Variants in PCDH11X observed in about 807,000 individuals in gnomAD.
PCDH11X encodes protocadherin 11 X-linked, also known as protocadherin-11 X-linked.
PCDH11X carries 18 observed loss-of-function variants against 53.3 expected under a neutral mutation model. The observed-to-expected ratio is 0.34, with a 90% CI of 0.23 to 0.50. The LOEUF (loss-of-function observed/expected upper bound fraction) is 0.50, where lower values mean the gene tolerates loss of function less well. Ranked by LOEUF, PCDH11X falls within the 20% of genes least tolerant of loss-of-function variation. The pLI is 0.98. For synonymous variants in PCDH11X, 279 were observed against 393.3 expected, an observed-to-expected ratio of 0.71 and a Z score of 3.44; for missense variants, 570 against 1,032.4, an observed-to-expected ratio of 0.55 and a Z score of 6.14.
intron 8 of PCDH11X, among the ~76,000 whole-genome samples, chrX:92,269,574 C>G (rs966081068): frequency 1.8e-5 from 2 of 111,616 alleles, no homozygotes; most frequent in African/African-American, 6.5e-5. Context: ...TTTTTGTAAC[C>G]TCAATACATT....
At chrX:91,837,339 A>T (rs1263463110) in intron 5 of PCDH11X, among the ~76,000 whole-genome samples, 1 of 112,006 alleles carries the variant, frequency 8.9e-6, no homozygotes, top group Non-Finnish European at 1.9e-5. Flanking sequence ...TGTTGGTGGG[A>T]ATGTAAATTA....
intron 6 of PCDH11X, among the ~76,000 whole-genome samples, chrX:91,955,167 C>T (rs2524704): frequency 5.4e-5 from 6 of 111,392 alleles, no homozygotes; most frequent in Non-Finnish European, 9.4e-5. Flanking sequence ...CAATTTTCTG[C>T]GTATGGCTAG....
intron 6 of PCDH11X, among the ~76,000 whole-genome samples, chrX:92,077,261 C>T (rs1196836991): frequency 4.6e-5 from 5 of 108,173 alleles, no homozygotes; most frequent in Admixed American, 1.0e-4. Context: ...ACATGATACC[C>T]GGAAAGTAGT....
intron 10 of PCDH11X, among the ~76,000 whole-genome samples, chrX:92,480,018 C>T (rs1002195811): frequency 9.0e-6 from 1 of 110,968 alleles, no homozygotes; most frequent in African/African-American, 3.3e-5. Flanking sequence ...TCCATAATTC[C>T]ATTTTTTTTG....
intron 10 of PCDH11X, among the ~76,000 whole-genome samples, chrX:92,579,690 C>T (rs1030591803): frequency 2.7e-5 from 3 of 111,427 alleles, no homozygotes; most frequent in East Asian, 2.8e-4. Flanking sequence ...TTGGAACATA[C>T]GTCTTTAGCT....
At position 91,779,891 on chromosome X, in the gene PCDH11X, G is replaced by C. The variant is rs768633925; in HGVS notation, c.-379+207G>C. On this transcript the variant is annotated intron_variant, in intron 1 of 10. Coordinates refer to ENST00000682573, the MANE Select transcript of PCDH11X (RefSeq NM_032968.5). ...CAAACCCCGGAGGTGAGCGCAGGGAGAATATCTTTTTGCACTACCACCGCT... is the reference window on the plus strand; with the variant it reads ...CAAACCCCGGAGGTGAGCGCAGGGACAATATCTTTTTGCACTACCACCGCT... Among the ~76,000 whole-genome samples, 719 of 111,092 alleles carry C rather than the reference G, an allele frequency of 6.5e-3. 8 individuals carry two copies. Among genetic ancestry groups the C allele is most frequent in the African/African-American group, 0.019 (587 of 30,552 alleles).
At chrX:92,102,985 G>C (rs1307527039) in intron 6 of PCDH11X, among the ~76,000 whole-genome samples, 1 of 111,300 alleles carries the variant, frequency 9.0e-6, no homozygotes, top group Non-Finnish European at 1.9e-5. Context: ...TGTGGGATGG[G>C]ATATTGCCGT....
chrX:91,990,312 C>T (rs1337787765), intron 6 of PCDH11X, among the ~76,000 whole-genome samples: 1 of 102,430 alleles, frequency 9.8e-6, no homozygotes, highest in Non-Finnish European at 2.0e-5. Context: ...TTTGTTTTTT[C>T]TGGGACTTTC....
chrX:92,218,314 A>G (rs2066768584), intron 7 of PCDH11X, among the ~76,000 whole-genome samples: 1 of 38,756 alleles, frequency 2.6e-5, no homozygotes, highest in African/African-American at 8.4e-5. Flanking sequence ...ACTAATAAAG[A>G]AGAAAAGAGA....
chrX:91,878,838 G>A lies in PCDH11X; in HGVS notation c.2598G>A (p.Met866Ile). ...ACCCAGAAAACAGGCAGATGATAAT[G>A]ATGAAGAAAAAGAAAAAGAAGAAGA... The part of the protein sequence containing the change: ...TPNPENRQMI[M>I]MKKKKKKKKH... The change falls in exon 6 of 11, where the codon ATG becomes ATA. Residue 866 changes from methionine to isoleucine, a missense_variant. By Grantham distance (10) the Met-to-Ile change is conservative. Coordinates refer to ENST00000682573, the MANE Select transcript of PCDH11X (RefSeq NM_032968.5). 8 of 1,211,375 alleles carry A rather than the reference G, an allele frequency of 6.6e-6. No homozygotes were observed. Among genetic ancestry groups the A allele is most frequent in the Non-Finnish European group, 8.9e-6 (8 of 895,408 alleles).
chrX:92,111,132 C>A (rs2064495203), intron 6 of PCDH11X, among the ~76,000 whole-genome samples: 1 of 97,709 alleles, frequency 1.0e-5, no homozygotes, highest in Admixed American at 1.2e-4. Context: ...TATTTTATTA[C>A]CAGCATTCTC....
At chrX:92,434,118 A>G (rs1569485968) in intron 9 of PCDH11X, among the ~76,000 whole-genome samples, 3 of 111,187 alleles carry the variant, frequency 2.7e-5, no homozygotes, top group South Asian at 3.7e-4. Flanking sequence ...AATTTTATCT[A>G]TCTATCTATC....
At chrX:92,097,455 G>A (rs2064159780) in intron 6 of PCDH11X, among the ~76,000 whole-genome samples, 1 of 109,025 alleles carries the variant, frequency 9.2e-6, no homozygotes, top group African/African-American at 3.3e-5. Context: ...AAAGATGCGG[G>A]GAAATATATT....
At chrX:92,332,680 G>T (rs1224852421) in intron 8 of PCDH11X, among the ~76,000 whole-genome samples, 1 of 111,538 alleles carries the variant, frequency 9.0e-6, no homozygotes, top group African/African-American at 3.3e-5. Flanking sequence ...GCAACGAATT[G>T]GGTAATTTGA....
At chrX:92,000,180 T>C in intron 6 of PCDH11X, among the ~76,000 whole-genome samples, 1 of 111,264 alleles carries the variant, frequency 9.0e-6, no homozygotes, top group African/African-American at 3.3e-5. Context: ...ATTATGACTT[T>C]AGTGTAAATT....
chrX:91,983,676 C>T (rs1274670913), intron 6 of PCDH11X, among the ~76,000 whole-genome samples: 3 of 111,579 alleles, frequency 2.7e-5, no homozygotes, highest in African/African-American at 9.8e-5. Flanking sequence ...AAAGACCCAC[C>T]CCCCTATTCA....
chrX:92,085,991 A>G (rs2063943751), intron 6 of PCDH11X, among the ~76,000 whole-genome samples: 1 of 112,063 alleles, frequency 8.9e-6, no homozygotes, highest in African/African-American at 3.2e-5. Flanking sequence ...CATTGATAAA[A>G]CATTAATATT....
intron 10 of PCDH11X, among the ~76,000 whole-genome samples, chrX:92,577,363 T>G (rs887321221): frequency 2.4e-4 from 26 of 109,396 alleles, no homozygotes; most frequent in African/African-American, 8.3e-4. Context: ...CTGATGGTTG[T>G]TTGTATTTCT....
chrX:92,399,890 G>C (rs1243741555), intron 9 of PCDH11X, among the ~76,000 whole-genome samples: 1 of 97,726 alleles, frequency 1.0e-5, no homozygotes, highest in African/African-American at 3.7e-5. Context: ...TACAGGCACT[G>C]GCCACCACGC....
Sources: allele counts gnomAD v4.1 joint callset (sites outside exome capture counted in the v4.1 genomes callset), GRCh38; gene constraint gnomAD v4.1.1; transcripts MANE v1.5; gene names NCBI Gene and HGNC (gene_info 2026-07-23, HGNC 2026-07-21).